Variants in TCERG1L observed in about 807,000 individuals in gnomAD.
TCERG1L encodes the protein transcription elongation regulator 1 like, also known as transcription elongation regulator 1-like protein.
In TCERG1L, 37 loss-of-function variants were observed where a neutral mutation model predicts 56.3. The observed-to-expected ratio is 0.66, with a 90% CI of 0.51 to 0.87. TCERG1L has a LOEUF of 0.87. TCERG1L is among the 40% of genes least tolerant of loss of function. The probability of loss-of-function intolerance (pLI) is 0.00; values close to 1 mark genes in which losing one functional copy is unlikely to be tolerated. For missense variants in TCERG1L, 799 were observed against 774.2 expected (o/e 1.03, Z -0.38); for synonymous variants, 324 against 326.3 (o/e 0.99, Z 0.08).
At chr10:131,178,453 C>T (rs143192906) in intron 4 of TCERG1L, among the ~76,000 whole-genome samples, 1,574 of 152,240 alleles carry the variant, frequency 0.01, 17 homozygotes, top group Non-Finnish European at 0.018. Flanking sequence ...TACCAGATGG[C>T]GGCATGTGCT....
chr10:131,130,087 TA>T (rs34675215), intron 8 of TCERG1L, among the ~76,000 whole-genome samples: 3,741 of 115,898 alleles, frequency 0.032, 192 homozygotes, highest in South Asian at 0.22. Context: ...GGGTGATTTA[TA>T]AAAAAAAAAA....
At chr10:131,275,620 A>G (rs1408606019) in intron 3 of TCERG1L, among the ~76,000 whole-genome samples, 1 of 152,220 alleles carries the variant, frequency 6.6e-6, no homozygotes, top group Admixed American at 6.5e-5. Context: ...AGCAGTTTCC[A>G]TCATTAAGAA....
At chr10:131,122,221 A>G (rs1157928847) in intron 8 of TCERG1L, among the ~76,000 whole-genome samples, 1 of 152,214 alleles carries the variant, frequency 6.6e-6, no homozygotes, top group Non-Finnish European at 1.5e-5. Flanking sequence ...AGCACTAGAA[A>G]TGACCTTTGG....
chr10:131,166,793 TG>T lies in TCERG1L; in HGVS notation c.945+3del. 6.2e-7 allele frequency: 1 copy of T among 1,613,970 alleles called. No homozygotes were observed. The highest frequency in any genetic ancestry group is 8.5e-7 in the Non-Finnish European group (1 of 1,179,888). ...TTAACACACACACGAGCCCCGAAAC[TG>T]ACCTTGTCTTCTTTGTCTCCATCCC... On this transcript the variant is annotated splice_donor_region_variant and intron_variant, in intron 5 of 11. Coordinates refer to ENST00000368642, the MANE Select transcript of TCERG1L (RefSeq NM_174937.4).
intron 4 of TCERG1L, among the ~76,000 whole-genome samples, chr10:131,171,405 T>A (rs867426883): frequency 1.1e-4 from 16 of 152,174 alleles, no homozygotes; most frequent in South Asian, 2.1e-4. Flanking sequence ...GAGGCACCTG[T>A]TCTCCTAGAG....
chr10:131,249,181 A>C (rs1846077220), intron 4 of TCERG1L, among the ~76,000 whole-genome samples: 2 of 152,262 alleles, frequency 1.3e-5, no homozygotes, highest in African/African-American at 4.8e-5. Flanking sequence ...ATTTATTTAC[A>C]AAAGCTCAGG....
At chr10:131,162,989 G>A (rs145703838) in intron 6 of TCERG1L, 133 bp downstream of exon 6, 9 of 637,932 alleles carry the variant, frequency 1.4e-5, no homozygotes, top group African/African-American at 7.4e-5. Flanking sequence ...TACACCTGCC[G>A]GGAGTTGCAA....
intron 4 of TCERG1L, among the ~76,000 whole-genome samples, chr10:131,256,187 A>G (rs965207226): frequency 6.6e-6 from 1 of 152,210 alleles, no homozygotes; most frequent in Non-Finnish European, 1.5e-5. Flanking sequence ...TTAAAAAAAG[A>G]CCTTATTCCC....
chr10:131,199,207 C>T (rs1256921352), intron 4 of TCERG1L, among the ~76,000 whole-genome samples: 2 of 152,174 alleles, frequency 1.3e-5, no homozygotes, highest in African/African-American at 4.8e-5. Flanking sequence ...CTGTACTCAC[C>T]CTTTGATCAA....
intron 8 of TCERG1L, among the ~76,000 whole-genome samples, chr10:131,129,542 A>G (rs2133400190): frequency 6.6e-6 from 1 of 152,314 alleles, no homozygotes; most frequent in African/African-American, 2.4e-5. Flanking sequence ...AGGTAAAATA[A>G]CAATTACTCC....
intron 3 of TCERG1L, among the ~76,000 whole-genome samples, chr10:131,275,326 C>T (rs1437978474): frequency 1.3e-5 from 2 of 152,218 alleles, no homozygotes; most frequent in Non-Finnish European, 2.9e-5. Flanking sequence ...ATGGACATCA[C>T]TCTCCCTGCC....
intron 7 of TCERG1L, among the ~76,000 whole-genome samples, chr10:131,139,980 T>G (rs1365403569): frequency 6.6e-6 from 1 of 152,194 alleles, no homozygotes; most frequent in Admixed American, 6.5e-5. Context: ...TGTCTTCCTT[T>G]CTGTGAGTGG....
At chr10:131,231,822 G>C (rs1337667414) in intron 4 of TCERG1L, among the ~76,000 whole-genome samples, 1 of 152,154 alleles carries the variant, frequency 6.6e-6, no homozygotes, top group African/African-American at 2.4e-5. Flanking sequence ...CAGTGCCTGT[G>C]GGGACAAGGG....
chr10:131,161,033 G>T (rs1845971712), intron 6 of TCERG1L: 1 of 152,252 alleles, frequency 6.6e-6, no homozygotes, highest in African/African-American at 2.4e-5. Context: ...TGGAGAGTTT[G>T]CCTGTAGAAG....
chr10:131,131,662 G>A (rs1845619359), intron 8 of TCERG1L, among the ~76,000 whole-genome samples: 1 of 152,200 alleles, frequency 6.6e-6, no homozygotes, highest in Admixed American at 6.5e-5. Flanking sequence ...ATCTGTGCAT[G>A]AGTGCCCAAA....
intron 6 of TCERG1L, among the ~76,000 whole-genome samples, chr10:131,149,207 C>T (rs967300460): frequency 2.0e-5 from 3 of 151,264 alleles, no homozygotes; most frequent in Non-Finnish European, 4.4e-5. Flanking sequence ...TATCACACTC[C>T]CATGCCAGGT....
At chr10:131,247,116 T>C (rs941700534) in intron 4 of TCERG1L, among the ~76,000 whole-genome samples, 1 of 152,110 alleles carries the variant, frequency 6.6e-6, no homozygotes, top group Middle Eastern at 3.4e-3. Flanking sequence ...CACAGTGCCA[T>C]CCCAAAACAG....
intron 4 of TCERG1L, among the ~76,000 whole-genome samples, chr10:131,257,331 G>A (rs1055742659): frequency 1.4e-4 from 22 of 152,178 alleles, no homozygotes; most frequent in African/African-American, 4.8e-4. Flanking sequence ...CTTCCCGCCC[G>A]TGCTGACACC....
chr10:131,257,546 C>T (rs534107010), intron 4 of TCERG1L, among the ~76,000 whole-genome samples: 23 of 152,320 alleles, frequency 1.5e-4, no homozygotes, highest in South Asian at 2.1e-4. Context: ...TGAGCTTAGC[C>T]GGGTATCCAG....
Sources: allele counts gnomAD v4.1 joint callset (sites outside exome capture counted in the v4.1 genomes callset), GRCh38; gene constraint gnomAD v4.1.1; transcripts MANE v1.5; gene names NCBI Gene and HGNC (gene_info 2026-07-23, HGNC 2026-07-21).